FOXP2: variants seen among roughly 807,000 people sequenced by gnomAD.
FOXP2 encodes the protein forkhead box protein P2.
Under a neutral mutation model 115.8 loss-of-function variants are expected in FOXP2, and 12 were observed. The ratio of observed to expected loss-of-function variants is 0.10; its 90% CI spans 0.07 to 0.17. The LOEUF is 0.17. Among genes scored for constraint, FOXP2 ranks in the 10% least tolerant of loss-of-function variants. The pLI, the probability that FOXP2 is intolerant of heterozygous loss-of-function variation, is 1.00. For missense variants in FOXP2, 629 were observed against 843.5 expected, an observed-to-expected ratio of 0.75 and a Z score of 3.15; for synonymous variants, 328 against 297.7, an observed-to-expected ratio of 1.10 and a Z score of -1.05.
intron 1 of FOXP2, among the ~76,000 whole-genome samples, chr7:114,106,949 A>G (rs2129141559): frequency 6.6e-6 from 1 of 152,150 alleles, no homozygotes; most frequent in East Asian, 1.9e-4. Context: ...CTGGAGAAAT[A>G]TGTTTTATAA....
intron 2 of FOXP2, among the ~76,000 whole-genome samples, chr7:114,318,726 T>TATATATATATATATATATATATAC (rs1417603943): frequency 7.3e-5 from 11 of 151,082 alleles, no homozygotes; most frequent in African/African-American, 2.7e-4. Flanking sequence ...TATATATATA[T>TATATATATATATATATATATATAC]ACACACACAC....
Position 114,230,123 on chromosome 7 carries a change from C to T in FOXP2, c.-101-57896C>T, listed in dbSNP as rs993948302. Among the ~76,000 whole-genome samples the T allele has an allele frequency of 7.3e-4, 111 of 151,594 alleles. 1 individual carries two copies. Among genetic ancestry groups the T allele is most frequent in the Non-Finnish European group, 2.7e-4 (18 of 67,762 alleles). ...ATTATACACCATCATACTGGATGAC[C>T]TAGAAGAAATAAATAAATTTCTGGA... On this transcript the variant is annotated intron_variant, in intron 1 of 17. Coordinates refer to the FOXP2 transcript ENST00000634411.
At chr7:114,214,934 T>C (rs1794450433) in intron 1 of FOXP2, among the ~76,000 whole-genome samples, 1 of 152,158 alleles carries the variant, frequency 6.6e-6, no homozygotes, top group Admixed American at 6.5e-5. Flanking sequence ...TAGATGACAA[T>C]TTATGAGAAT....
chr7:114,298,455 A>G (rs1796797237), intron 2 of FOXP2, among the ~76,000 whole-genome samples: 1 of 152,214 alleles, frequency 6.6e-6, no homozygotes, highest in Non-Finnish European at 1.5e-5. Flanking sequence ...AGTAATAACA[A>G]TAATAATACT....
At chr7:114,459,961 T>C (rs1795490709) in intron 2 of FOXP2, among the ~76,000 whole-genome samples, 1 of 152,172 alleles carries the variant, frequency 6.6e-6, no homozygotes, top group East Asian at 1.9e-4. Context: ...CCTTCAATTC[T>C]AAAATTTTCA....
At chr7:114,418,243 TGTC>T (rs1201490064) in intron 1 of FOXP2, among the ~76,000 whole-genome samples, 1 of 152,082 alleles carries the variant, frequency 6.6e-6, no homozygotes, top group East Asian at 1.9e-4. Flanking sequence ...GTTTCTGTGT[TGTC>T]AAGTGTAATC....
At chr7:114,677,614 C>T (rs1393731280) in intron 16 of FOXP2, among the ~76,000 whole-genome samples, 3 of 152,138 alleles carry the variant, frequency 2.0e-5, no homozygotes, top group Non-Finnish European at 4.4e-5. Context: ...TATAGGCAAG[C>T]ATTAACATTA....
chr7:114,442,183 T>C (rs1794632507), intron 2 of FOXP2, among the ~76,000 whole-genome samples: 1 of 152,200 alleles, frequency 6.6e-6, no homozygotes. Context: ...TATGCCACAA[T>C]ATACATGAAC....
chr7:114,448,598 T>G (rs1198399425), intron 2 of FOXP2, among the ~76,000 whole-genome samples: 1 of 152,126 alleles, frequency 6.6e-6, no homozygotes, highest in Non-Finnish European at 1.5e-5. Context: ...AGCCTTTTCA[T>G]GTTAATATTT....
chr7:114,283,054 T>C (rs1308445540), intron 1 of FOXP2, among the ~76,000 whole-genome samples: 1 of 152,180 alleles, frequency 6.6e-6, no homozygotes, highest in African/African-American at 2.4e-5. Flanking sequence ...GTTAAATTTG[T>C]TATTAATTTG....
chr7:114,273,243 G>A (rs966840394), intron 1 of FOXP2, among the ~76,000 whole-genome samples: 1 of 151,874 alleles, frequency 6.6e-6, no homozygotes, highest in African/African-American at 2.4e-5. Flanking sequence ...CATATTTTGG[G>A]AATTTTAGTT....
At chr7:114,415,454 C>CTT (rs979990288) in intron 1 of FOXP2, 94 bp downstream of exon 1, 29 of 304,980 alleles carry the variant, frequency 9.5e-5, no homozygotes, top group Non-Finnish European at 1.2e-4. Flanking sequence ...AATTGCTTTA[C>CTT]TTTTTTTTTT....
chr7:114,177,254 C>A (rs920429198), intron 1 of FOXP2, among the ~76,000 whole-genome samples: 3 of 152,082 alleles, frequency 2.0e-5, no homozygotes, highest in Admixed American at 1.3e-4. Flanking sequence ...CAACTTAGTG[C>A]CTGTATTATA....
chr7:114,432,877 T>C (rs139343994), intron 2 of FOXP2, among the ~76,000 whole-genome samples: 6 of 151,942 alleles, frequency 3.9e-5, no homozygotes, highest in African/African-American at 9.7e-5. Flanking sequence ...AAACAGATGG[T>C]ATTGTTCTAT....
chr7:114,359,149 C>A (rs1791686440), intron 2 of FOXP2, among the ~76,000 whole-genome samples: 1 of 152,112 alleles, frequency 6.6e-6, no homozygotes. Context: ...GTGTCCCAGC[C>A]ATGGGTAAAA....
chr7:114,360,067 G>C (rs971371219), intron 2 of FOXP2, among the ~76,000 whole-genome samples: 1 of 152,114 alleles, frequency 6.6e-6, no homozygotes, highest in African/African-American at 2.4e-5. Context: ...TCATGGGAGG[G>C]ATGCGGTGGG....
chr7:114,329,660 ATTTATTTATTTATT>A (rs1797647879), intron 2 of FOXP2, among the ~76,000 whole-genome samples: 1 of 28,368 alleles, frequency 3.5e-5, no homozygotes, highest in South Asian at 2.3e-3. Context: ...TTATTTATTT[ATTTATTTATTTATT>A]TATTTATTTA....
chr7:114,247,824 A>G (rs1448669288), intron 1 of FOXP2, among the ~76,000 whole-genome samples: 1 of 152,144 alleles, frequency 6.6e-6, no homozygotes, highest in African/African-American at 2.4e-5. Flanking sequence ...TTTTCTTAAA[A>G]TATTTTTAGA....
At chr7:114,156,807 T>C (rs1456679512) in intron 1 of FOXP2, among the ~76,000 whole-genome samples, 2 of 152,160 alleles carry the variant, frequency 1.3e-5, no homozygotes. Context: ...AGGAAAGACA[T>C]TTATCTTATC....
Sources: gnomAD v4.1 joint callset for allele counts (sites outside exome capture counted in the v4.1 genomes callset) on GRCh38, gnomAD v4.1.1 for gene constraint, MANE v1.5 for transcripts, NCBI Gene and HGNC (gene_info 2026-07-23, HGNC 2026-07-21) for gene names.